Variants in POU3F3 observed in about 807,000 individuals in gnomAD.
POU3F3 encodes POU class 3 homeobox 3, also known as POU domain, class 3, transcription factor 3.
Under a neutral mutation model 8.6 loss-of-function variants are expected in POU3F3, and 1 was observed. That is an observed-to-expected ratio of 0.12 (90% CI 0.04 to 0.55). The LOEUF (loss-of-function observed/expected upper bound fraction) is 0.55. Ranked by LOEUF, POU3F3 falls within the 20% of genes least tolerant of loss-of-function variation. POU3F3 has a pLI of 0.91. For synonymous variants in POU3F3, 418 were observed against 327.4 expected (o/e 1.28, Z -2.99); for missense variants, 577 against 690.7 (o/e 0.84, Z 1.84).
the POU3F3 span, among the ~76,000 whole-genome samples, chr2:104,896,247 G>A: frequency 4.3e-4 from 65 of 152,326 alleles, no homozygotes; most frequent in Middle Eastern, 6.8e-3. Flanking sequence ...ACCTGGCTGG[G>A]TAGGGGTCCC....
chr2:104,873,916 G>A, the POU3F3 span, among the ~76,000 whole-genome samples: 1 of 152,192 alleles, frequency 6.6e-6, no homozygotes, highest in Non-Finnish European at 1.5e-5. Context: ...AGGAAGGATC[G>A]TTTTGCGCCT....
chr2:104,923,606 A>G, the POU3F3 span, among the ~76,000 whole-genome samples: 2 of 152,230 alleles, frequency 1.3e-5, no homozygotes, highest in African/African-American at 4.8e-5. Flanking sequence ...ATAGTAATGC[A>G]AGAAATGAAG....
the POU3F3 span, among the ~76,000 whole-genome samples, chr2:104,887,600 C>T: frequency 1.3e-5 from 2 of 152,204 alleles, no homozygotes; most frequent in Non-Finnish European, 2.9e-5. Context: ...GCAAGAGACA[C>T]ATGGATGGAA....
chr2:104,854,765 A>G lies in POU3F3; in HGVS notation c.-746A>G, dbSNP rs888724268. Among the ~76,000 whole-genome samples, 8 of 152,150 alleles carry G rather than the reference A, an allele frequency of 5.3e-5. No homozygotes were observed. The highest frequency in any genetic ancestry group is 1.4e-4 in the African/African-American group (6 of 41,434). ...CCAGCCTCCCCTCTCCGCACTCGCG[A>G]GCAGCCAGCAGCACCACGCCTTCAA... On this transcript the variant is annotated 5_prime_UTR_variant, in exon 1 of 1. Transcript: ENST00000361360. This position sits in a 1 kb window ranked among gnomAD's most constrained non-coding sequence, Gnocchi z 4.5.
the POU3F3 span, among the ~76,000 whole-genome samples, chr2:104,879,010 CA>C: frequency 2.0e-5 from 3 of 151,762 alleles, no homozygotes; most frequent in African/African-American, 7.3e-5. Context: ...ATACACAACA[CA>C]AAACATATAC....
the POU3F3 span, among the ~76,000 whole-genome samples, chr2:104,894,485 C>T: frequency 6.6e-6 from 1 of 152,112 alleles, no homozygotes; most frequent in East Asian, 1.9e-4. Flanking sequence ...CTGTGCCTAA[C>T]AGTTCAGCCC....
the POU3F3 span, among the ~76,000 whole-genome samples, chr2:104,894,428 T>G: frequency 1.7e-4 from 26 of 152,268 alleles, no homozygotes; most frequent in African/African-American, 6.0e-4. Flanking sequence ...AAAAACAAGA[T>G]GGTGAGTTCT....
At chr2:104,853,996 A>T (rs760592687), upstream of POU3F3, among the ~76,000 whole-genome samples, 1 of 152,188 alleles carries the variant, frequency 6.6e-6, no homozygotes, top group African/African-American at 2.4e-5. Flanking sequence ...GTCCTGAGCC[A>T]GTCATTCCGA....
At chr2:104,878,373 A>G in the POU3F3 span, among the ~76,000 whole-genome samples, 1 of 152,224 alleles carries the variant, frequency 6.6e-6, no homozygotes, top group Non-Finnish European at 1.5e-5. Context: ...TGCTATAGAG[A>G]AAGCCTAAGA....
the POU3F3 span, among the ~76,000 whole-genome samples, chr2:104,924,691 T>G: frequency 6.6e-6 from 1 of 152,222 alleles, no homozygotes. Flanking sequence ...CCTCATCTCT[T>G]CATCTTTTGA....
chr2:104,891,127 C>G, the POU3F3 span, among the ~76,000 whole-genome samples: 1 of 152,278 alleles, frequency 6.6e-6, no homozygotes, highest in African/African-American at 2.4e-5. Context: ...ATTTAGCAAG[C>G]AACCGGCACC....
rs1313286046 is a variant in POU3F3, at chr2:104,856,178, CGCA to C, written c.671_673del (p.Gln224del). 2.4e-6 allele frequency: 3 copies of C among 1,271,382 alleles called. No homozygotes were observed. The African/African-American group carries it at 4.7e-5, about 20-fold the overall frequency. 78.8% of individuals were successfully genotyped at this position (1,271,382 alleles called of 1,614,324 possible). A position where few individuals can be genotyped will look rare whatever the true frequency, so the allele number is the denominator to read the frequency against. On this transcript the variant is annotated inframe_deletion, in exon 1 of 1. Coordinates refer to ENST00000361360, the MANE Select transcript of POU3F3 (RefSeq NM_006236.3). ...CCGCCGCCGCAGAGTCTGCTCTACT[CGCA>C]GCCCGGAGGCTTCACGGTGAACGGC... is the stretch of plus-strand genomic sequence containing the variant.
the POU3F3 span, among the ~76,000 whole-genome samples, chr2:104,905,985 T>C: frequency 6.6e-6 from 1 of 152,210 alleles, no homozygotes; most frequent in Non-Finnish European, 1.5e-5. Flanking sequence ...CCTTTGAAAG[T>C]CATGAACAAA....
In POU3F3 at chr2:104,855,848, C is replaced by T. The variant is rs2104339935; in HGVS notation, c.338C>T (p.Ala113Val). 1.8e-6 allele frequency: 2 copies of T among 1,094,518 alleles called. No individual in the cohort carries two copies. The highest frequency in any genetic ancestry group is 1.1e-6 in the Non-Finnish European group (1 of 903,008). 67.8% of individuals were successfully genotyped at this position (1,094,518 alleles called of 1,614,324 possible). The change falls in exon 1 of 1, where the codon GCC (alanine) becomes GTC (valine). Residue 113 changes from alanine (A) to valine (V), a missense_variant. Around this residue, in one of 7 missense-constraint regions of POU3F3, gnomAD observed 484 missense variants for 422.6 expected, o/e 1.15. Transcript: ENST00000361360. ...HAAAAAAAAA[A>V]AAVEASSPWS... ...GCCGCCGCCGCCGCCGCTGCCGCCGCCGCCGCCGTGGAGGCGAGCTCGCCG... is the reference window on the plus strand; with the variant it reads ...GCCGCCGCCGCCGCCGCTGCCGCCGTCGCCGCCGTGGAGGCGAGCTCGCCG...
the POU3F3 span, chr2:104,872,232 C>G: frequency 4.4e-6 from 2 of 456,568 alleles, no homozygotes; most frequent in South Asian, 3.1e-5. The surrounding 1 kb of genome is among the most constrained non-coding windows in gnomAD (Gnocchi z 4.6). Flanking sequence ...CGCTCCCCGG[C>G]GTTCTGGACT....
chr2:104,886,020 C>T, the POU3F3 span, among the ~76,000 whole-genome samples: 3 of 152,140 alleles, frequency 2.0e-5, no homozygotes, highest in African/African-American at 7.2e-5. Flanking sequence ...TGGTCTCGAA[C>T]TCCTGACCTC....
At chr2:104,922,536 G>A in the POU3F3 span, among the ~76,000 whole-genome samples, 113 of 152,156 alleles carry the variant, frequency 7.4e-4, 2 homozygotes, top group African/African-American at 2.6e-3. Flanking sequence ...ATTTACTAGA[G>A]GAATTTGAAG....
chr2:104,902,613 G>T, the POU3F3 span, among the ~76,000 whole-genome samples: 3 of 152,054 alleles, frequency 2.0e-5, no homozygotes, highest in Non-Finnish European at 4.4e-5. Context: ...GGAGAGTAGC[G>T]GTCAGTCAAA....
chr2:104,856,411 G>T lies in POU3F3; in HGVS notation c.901G>T (p.Ala301Ser). 6.3e-7 allele frequency: 1 copy of T among 1,592,860 alleles called. No individual in the cohort carries two copies. Residue 301 changes from alanine to serine, a missense_variant, in exon 1 of 1, where the codon GCG (alanine) becomes TCG (serine). By Grantham distance (99) the Ala-to-Ser change is moderately conservative. Around this residue, in one of 7 missense-constraint regions of POU3F3, gnomAD observed 484 missense variants for 422.6 expected, o/e 1.15. Transcript: ENST00000361360. ...PPHHGGGGGG[A>S]GPGLNSHDPH... The stretch of plus-strand genomic sequence containing the variant: ...GCACCACGGCGGCGGCGGCGGCGGC[G>T]CGGGGCCTGGACTCAACAGCCACGA...
Sources: gnomAD v4.1 joint callset for allele counts (sites outside exome capture counted in the v4.1 genomes callset) on GRCh38, gnomAD v4.1.1 for gene constraint, gnomAD v4.1.1 regional missense constraint, Gnocchi (gnomAD v3.1) non-coding constraint, MANE v1.5 for transcripts, NCBI Gene and HGNC (gene_info 2026-07-23, HGNC 2026-07-21) for gene names.